Variants in BTBD9 observed in about 807,000 individuals in gnomAD.
The protein encoded by BTBD9 is BTB/POZ domain-containing protein 9.
A neutral mutation model predicts 64.3 loss-of-function variants in BTBD9; 49 were observed. The ratio of observed to expected loss-of-function variants is 0.76; its 90% CI spans 0.61 to 0.97. The LOEUF (loss-of-function observed/expected upper bound fraction) is 0.97, where lower values mean the gene tolerates loss of function less well. Ranked by LOEUF, BTBD9 falls within the 50% of genes least tolerant of loss-of-function variation. The pLI is 0.00. For missense variants in BTBD9, 598 were observed against 762.1 expected, an observed-to-expected ratio of 0.78 and a Z score of 2.53; for synonymous variants, 260 against 274.7, an observed-to-expected ratio of 0.95 and a Z score of 0.53.
chr6:38,483,656 C>G (rs1771265726), intron 6 of BTBD9, among the ~76,000 whole-genome samples: 1 of 152,168 alleles, frequency 6.6e-6, no homozygotes, highest in South Asian at 2.1e-4. Flanking sequence ...TACAGACTAT[C>G]TACCCACCAG....
chr6:38,602,433 T>A (rs1297315197), intron 1 of BTBD9, among the ~76,000 whole-genome samples: 2 of 126,980 alleles, frequency 1.6e-5, no homozygotes, highest in Non-Finnish European at 3.7e-5. Flanking sequence ...AAATCTTAAG[T>A]ATGTGTATTT....
At chr6:38,209,634 C>G (rs529047986) in intron 9 of BTBD9, among the ~76,000 whole-genome samples, 1 of 152,280 alleles carries the variant, frequency 6.6e-6, no homozygotes, top group African/African-American at 2.4e-5. Context: ...CTGCTTGAGT[C>G]CTTTTTAAAT....
chr6:38,525,086 G>T (rs1773425821), intron 6 of BTBD9, among the ~76,000 whole-genome samples: 1 of 152,144 alleles, frequency 6.6e-6, no homozygotes, highest in South Asian at 2.1e-4. Context: ...GATCAGCACT[G>T]ATATGGTTTG....
At chr6:38,441,333 G>C (rs1769019618) in intron 6 of BTBD9, among the ~76,000 whole-genome samples, 1 of 152,116 alleles carries the variant, frequency 6.6e-6, no homozygotes, top group Non-Finnish European at 1.5e-5. Context: ...TTTGGGGGTG[G>C]GGAGGTGGTT....
intron 6 of BTBD9, among the ~76,000 whole-genome samples, chr6:38,518,572 C>T (rs1365158670): frequency 6.6e-6 from 1 of 152,192 alleles, no homozygotes; most frequent in Non-Finnish European, 1.5e-5. Context: ...GAGCACAAAG[C>T]TTATATAATG....
At chr6:38,417,143 G>C (rs996905722) in intron 6 of BTBD9, among the ~76,000 whole-genome samples, 2 of 152,128 alleles carry the variant, frequency 1.3e-5, no homozygotes, top group African/African-American at 4.8e-5. Context: ...TGGAGACAGG[G>C]TCTCACTATG....
chr6:38,374,307 G>A (rs9369054), intron 6 of BTBD9, among the ~76,000 whole-genome samples: 19,181 of 55,120 alleles, frequency 0.35, 5,154 homozygotes, highest in East Asian at 0.79. Context: ...GTATATATAT[G>A]TATATATATA....
At chr6:38,587,358 C>T in intron 4 of BTBD9, 1 of 465,964 alleles carries the variant, frequency 2.1e-6, no homozygotes. Flanking sequence ...GGAAGGTAAT[C>T]ATGAAAGCTC....
chr6:38,193,770 A>T, intron 9 of BTBD9: 5 of 979,644 alleles, frequency 5.1e-6, no homozygotes, highest in Non-Finnish European at 6.1e-6. Flanking sequence ...TTGTCTAATT[A>T]CCAAGTAATG....
Position 38,371,760 on chromosome 6 carries a change from C to T in BTBD9, c.1155-26667G>A, listed in dbSNP as rs192298996. ...GTCAGCTCACAAAATAAGGCATGGA[C>T]CCATAGTGAGTCCAATAAGTATGGT... On this transcript the variant is annotated intron_variant, in intron 6 of 10. Transcript: ENST00000481247. Among the ~76,000 whole-genome samples, 3 of 152,272 alleles carry T rather than the reference C, an allele frequency of 2.0e-5. No individual in the cohort carries two copies. The South Asian group carries it at 6.2e-4, about 32-fold the overall frequency.
chr6:38,291,547 G>A (rs889581262), intron 7 of BTBD9, among the ~76,000 whole-genome samples: 1 of 152,174 alleles, frequency 6.6e-6, no homozygotes, highest in Non-Finnish European at 1.5e-5. Flanking sequence ...TAGGAGTGGT[G>A]AGAGGGCATC....
At chr6:38,565,086 ATTT>A (rs1312541594) in intron 6 of BTBD9, among the ~76,000 whole-genome samples, 1 of 151,458 alleles carries the variant, frequency 6.6e-6, no homozygotes, top group Admixed American at 6.6e-5. Context: ...ATTCTTCTTG[ATTT>A]TTTTTCTCCA....
At chr6:38,290,144 C>T (rs1761903789) in intron 7 of BTBD9, among the ~76,000 whole-genome samples, 1 of 149,072 alleles carries the variant, frequency 6.7e-6, no homozygotes, top group African/African-American at 2.5e-5. Context: ...TGAGTAAAGC[C>T]ACCCACAGAG....
At position 38,169,471 on chromosome 6, in the gene BTBD9, T is replaced by C. The variant is rs969606560; in HGVS notation, c.*5514A>G. 4.4e-5 allele frequency: 4 copies of C among 90,956 alleles called. No homozygotes were observed. The highest frequency in any genetic ancestry group is 1.0e-4 in the Non-Finnish European group (4 of 38,798). 5.6% of individuals were successfully genotyped at this position (90,956 alleles called of 1,614,324 possible). Reference sequence around the variant, plus strand: ...CTGGGGCTCATGTGGTGGGGAGCAATTTGGCAGCAGACGGACTAATATCAA... The same window carrying C: ...CTGGGGCTCATGTGGTGGGGAGCAACTTGGCAGCAGACGGACTAATATCAA... On this transcript the variant is annotated 3_prime_UTR_variant, in exon 11 of 11. Transcript: ENST00000481247.
intron 6 of BTBD9, among the ~76,000 whole-genome samples, chr6:38,448,325 G>A (rs185750257): frequency 6.6e-6 from 1 of 152,344 alleles, no homozygotes; most frequent in African/African-American, 2.4e-5. Flanking sequence ...AGAATGCAAT[G>A]TAAGAGGGAA....
intron 6 of BTBD9, among the ~76,000 whole-genome samples, chr6:38,351,507 GT>G (rs70981542): frequency 5.8e-5 from 6 of 102,712 alleles, no homozygotes; most frequent in South Asian, 3.8e-4. Flanking sequence ...AATTGTTGTT[GT>G]TTTTTTTTTT....
intron 6 of BTBD9, among the ~76,000 whole-genome samples, chr6:38,458,634 T>C (rs752242038): frequency 6.6e-6 from 1 of 152,230 alleles, no homozygotes; most frequent in Non-Finnish European, 1.5e-5. Flanking sequence ...CAAAGATACC[T>C]GACATCATTC....
intron 6 of BTBD9, among the ~76,000 whole-genome samples, chr6:38,403,669 CA>C (rs765751789): frequency 2.4e-4 from 36 of 152,202 alleles, no homozygotes; most frequent in Non-Finnish European, 4.3e-4. Flanking sequence ...AACAGTCTGG[CA>C]GATCGTCAAA....
intron 6 of BTBD9, among the ~76,000 whole-genome samples, chr6:38,547,289 G>GCCCA (rs1282856735): frequency 1.3e-5 from 2 of 152,178 alleles, no homozygotes; most frequent in African/African-American, 4.8e-5. Flanking sequence ...AATTAGCTGG[G>GCCCA]CGTGGTGGCA....
Sources: gnomAD v4.1 joint callset for allele counts (sites outside exome capture counted in the v4.1 genomes callset) on GRCh38, gnomAD v4.1.1 for gene constraint, MANE v1.5 for transcripts, NCBI Gene and HGNC (gene_info 2026-07-23, HGNC 2026-07-21) for gene names.